Variants in HECW2 observed in about 807,000 individuals in gnomAD.
HECW2 encodes the protein E3 ubiquitin-protein ligase HECW2.
In HECW2, 61 loss-of-function variants were observed where a neutral mutation model predicts 175.2. That is an observed-to-expected ratio of 0.35 (90% CI 0.28 to 0.43). The LOEUF is 0.43. Ranked by LOEUF, HECW2 falls within the 20% of genes least tolerant of loss-of-function variation. The pLI is 1.00. For missense variants in HECW2, 1,524 were observed against 2,000.5 expected (o/e 0.76, Z 4.54); for synonymous variants, 671 against 731.0 (o/e 0.92, Z 1.32).
intron 1 of HECW2, among the ~76,000 whole-genome samples, chr2:196,576,779 T>C (rs1690576594): frequency 6.6e-6 from 1 of 152,198 alleles, no homozygotes. Flanking sequence ...CATTTCACAA[T>C]GTATACACAT....
In HECW2 at chr2:196,378,718, A is replaced by T. The variant is rs1694118396; in HGVS notation, c.293-34954T>A. ...CCATGAGGAGAAGTGCTTTTTACATAAGAATTCCAGGAAATAAGTACAGAA... is the reference window on the plus strand; with the variant it reads ...CCATGAGGAGAAGTGCTTTTTACATTAGAATTCCAGGAAATAAGTACAGAA... On this transcript the variant is annotated intron_variant, in intron 2 of 28. Coordinates refer to ENST00000644978, the MANE Select transcript of HECW2 (RefSeq NM_001348768.2). Among the ~76,000 whole-genome samples the T allele has an allele frequency of 2.6e-5, 4 of 152,236 alleles. No individual in the cohort carries two copies. In the South Asian group the frequency reaches 8.3e-4, roughly 32 times the overall value.
At chr2:196,294,783 C>G (rs1174801322) in intron 13 of HECW2, among the ~76,000 whole-genome samples, 1 of 152,162 alleles carries the variant, frequency 6.6e-6, no homozygotes, top group African/African-American at 2.4e-5. Context: ...TTTGACACAG[C>G]AAGTGGCAAT....
chr2:196,292,548 C>A lies in HECW2; in HGVS notation c.3000+17G>T, dbSNP rs763826261. 2 of 1,603,696 alleles carry A rather than the reference C, an allele frequency of 1.2e-6. No homozygotes were observed. Among genetic ancestry groups the A allele is most frequent in the Non-Finnish European group, 1.7e-6 (2 of 1,173,020 alleles). On this transcript the variant is annotated intron_variant, in intron 14 of 28. Transcript: ENST00000644978. ...CACAGGCATTTGGCACTCCCTGAGG[C>A]ATCTCCCTCGTGTTACCTTGCCCTG...
At chr2:196,462,413 T>C (rs777807857) in intron 1 of HECW2, among the ~76,000 whole-genome samples, 11 of 152,238 alleles carry the variant, frequency 7.2e-5, no homozygotes, top group Non-Finnish European at 1.5e-4. Context: ...ATGCAAATTC[T>C]ATTATATGAT....
chr2:196,381,956 G>A (rs899839785), intron 2 of HECW2, among the ~76,000 whole-genome samples: 4 of 152,072 alleles, frequency 2.6e-5, no homozygotes, highest in Admixed American at 6.6e-5. Flanking sequence ...CAATTTAAAT[G>A]TCCACTACTT....
At chr2:196,376,005 G>A (rs1023058171) in intron 2 of HECW2, among the ~76,000 whole-genome samples, 6 of 152,162 alleles carry the variant, frequency 3.9e-5, no homozygotes, top group Non-Finnish European at 8.8e-5. Flanking sequence ...CCCTCTATCA[G>A]TCTACGTTCC....
At chr2:196,259,705 A>G (rs1558990593) in intron 17 of HECW2, among the ~76,000 whole-genome samples, 1 of 152,224 alleles carries the variant, frequency 6.6e-6, no homozygotes, top group Non-Finnish European at 1.5e-5. Flanking sequence ...TTTTGGAATC[A>G]TACATCTGAA....
chr2:196,576,295 T>C (rs1434862214), intron 1 of HECW2, among the ~76,000 whole-genome samples: 3 of 152,146 alleles, frequency 2.0e-5, no homozygotes, highest in African/African-American at 4.8e-5. Context: ...AATGACTAAA[T>C]TGCCTAATGA....
intron 2 of HECW2, among the ~76,000 whole-genome samples, chr2:196,380,802 G>A (rs1371806523): frequency 6.6e-6 from 1 of 152,174 alleles, no homozygotes; most frequent in Non-Finnish European, 1.5e-5. Context: ...GAGCTGGGGA[G>A]ACAGGAATGA....
intron 1 of HECW2, among the ~76,000 whole-genome samples, chr2:196,529,677 G>C (rs762386222): frequency 6.6e-6 from 1 of 152,196 alleles, no homozygotes; most frequent in Non-Finnish European, 1.5e-5. Flanking sequence ...TCCAGACATG[G>C]TGATGGCCAG....
At chr2:196,580,529 A>T (rs1469129647) in intron 1 of HECW2, among the ~76,000 whole-genome samples, 42 of 152,178 alleles carry the variant, frequency 2.8e-4, no homozygotes, top group Admixed American at 2.8e-3. Context: ...ATTTGAATAG[A>T]CAATTCCTCA....
chr2:196,501,177 C>G (rs1299570497), intron 1 of HECW2, among the ~76,000 whole-genome samples: 1 of 152,078 alleles, frequency 6.6e-6, no homozygotes, highest in Non-Finnish European at 1.5e-5. Context: ...TAAAAGGTGA[C>G]TAATATTTTC....
intron 2 of HECW2, among the ~76,000 whole-genome samples, chr2:196,358,585 C>CAAAAAAAAAA (rs144181608): frequency 1.0e-4 from 7 of 67,352 alleles, no homozygotes; most frequent in African/African-American, 3.8e-4. Context: ...GACTCTGTCT[C>CAAAAAAAAAA]AAAAAAAAAA....
At position 196,535,867 on chromosome 2, in the gene HECW2, T is replaced by C. The variant is rs562489844; in HGVS notation, c.-36+57641A>G. Among the ~76,000 whole-genome samples the C allele has an allele frequency of 1.2e-4, 19 of 152,320 alleles. 1 individual carries two copies. The East Asian group carries it at 3.7e-3, about 29-fold the overall frequency. On this transcript the variant is annotated intron_variant, in intron 1 of 28. Coordinates refer to ENST00000644978, the MANE Select transcript of HECW2 (RefSeq NM_001348768.2). ...AAATGGCTCATTTTGTTATGATACATTGCCTGAGATGTCATCAATTAGAGA... is the reference window on the plus strand; with the variant it reads ...AAATGGCTCATTTTGTTATGATACACTGCCTGAGATGTCATCAATTAGAGA...
intron 1 of HECW2, among the ~76,000 whole-genome samples, chr2:196,529,491 G>A (rs955730079): frequency 2.6e-5 from 4 of 152,074 alleles, no homozygotes; most frequent in African/African-American, 9.7e-5. Context: ...TGTCACACAG[G>A]AATAATACCC....
At position 196,228,586 on chromosome 2, in the gene HECW2, T is replaced by A. The variant is rs555008869; in HGVS notation, c.3765-332A>T. ...TGTATAAAGAGGTAAATCTTTCGAA[T>A]GTCAGGAGCAAGCTTATACAAAAAG... is the stretch of plus-strand genomic sequence containing the variant. On this transcript the variant is annotated intron_variant, in intron 21 of 28. Coordinates refer to ENST00000644978, the MANE Select transcript of HECW2 (RefSeq NM_001348768.2). Among the ~76,000 whole-genome samples, 7 of 152,358 alleles carry A rather than the reference T, an allele frequency of 4.6e-5. No homozygotes were observed. In the East Asian group the frequency reaches 9.6e-4, roughly 21 times the overall value.
At chr2:196,556,905 CTGA>C (rs1347704571) in intron 1 of HECW2, among the ~76,000 whole-genome samples, 1 of 152,090 alleles carries the variant, frequency 6.6e-6, no homozygotes, top group Non-Finnish European at 1.5e-5. Flanking sequence ...TGCAGTATTC[CTGA>C]TTAAGAGTTG....
chr2:196,360,048 T>G (rs1284450576), intron 2 of HECW2, among the ~76,000 whole-genome samples: 1 of 151,974 alleles, frequency 6.6e-6, no homozygotes, highest in Non-Finnish European at 1.5e-5. Context: ...CAGACTGCAG[T>G]GAGCTATGAT....
intron 1 of HECW2, among the ~76,000 whole-genome samples, chr2:196,471,005 A>G (rs1053352241): frequency 1.3e-5 from 2 of 149,880 alleles, no homozygotes; most frequent in East Asian, 3.9e-4. Context: ...CACATCCACC[A>G]AATTGGCAAA....
Sources: gnomAD v4.1 joint callset for allele counts (sites outside exome capture counted in the v4.1 genomes callset) on GRCh38, gnomAD v4.1.1 for gene constraint, MANE v1.5 for transcripts, NCBI Gene and HGNC (gene_info 2026-07-23, HGNC 2026-07-21) for gene names.